C1orf116: variants seen among roughly 807,000 people sequenced by gnomAD.
C1orf116 encodes the protein specifically androgen-regulated gene protein.
In C1orf116, 12 loss-of-function variants were observed where a neutral mutation model predicts 14.1. The ratio of observed to expected loss-of-function variants is 0.85; its 90% CI spans 0.54 to 1.38. C1orf116 has a LOEUF of 1.38. Ranked by LOEUF, C1orf116 falls within the 40% of genes most tolerant of loss-of-function variation. The probability of loss-of-function intolerance (pLI) is 0.00; values close to 1 mark genes in which losing one functional copy is unlikely to be tolerated. For missense variants in C1orf116, 797 were observed against 747.0 expected (o/e 1.07, Z -0.78); for synonymous variants, 296 against 299.0 (o/e 0.99, Z 0.10).
At chr1:207,030,465 A>G (rs1558047620) in intron 1 of C1orf116, among the ~76,000 whole-genome samples, 1 of 152,200 alleles carries the variant, frequency 6.6e-6, no homozygotes, top group Non-Finnish European at 1.5e-5. Context: ...CTTCCAGACC[A>G]GTGTATTGCC....
intron 1 of C1orf116, among the ~76,000 whole-genome samples, chr1:207,028,568 C>T (rs956428640): frequency 5.9e-5 from 9 of 152,180 alleles, no homozygotes; most frequent in Admixed American, 2.6e-4. Flanking sequence ...GCACACATTC[C>T]CAATGAGATT....
At position 207,019,354 on chromosome 1, in the gene C1orf116, T is replaced by C. The variant is rs910836635; in HGVS notation, c.*2604A>G. The C allele has an allele frequency of 6.6e-6, 1 of 152,206 alleles. No homozygotes were observed. The highest frequency in any genetic ancestry group is 2.4e-5 in the African/African-American group (1 of 41,440). 9.4% of individuals were successfully genotyped at this position (152,206 alleles called of 1,614,324 possible). A position where few individuals can be genotyped will look rare whatever the true frequency, so the allele number is the denominator to read the frequency against. ...CAGTGGCATCAAGGCTATGGCAGGG[T>C]ATAGCAGAGATCTAAGGCCAAGTGG... On this transcript the variant is annotated 3_prime_UTR_variant, in exon 4 of 4. Transcript: ENST00000359470.
chr1:207,022,866 T>G lies in C1orf116; in HGVS notation c.898A>C (p.Lys300Gln), dbSNP rs887626439. Residue 300 changes from lysine to glutamine, a missense_variant, in exon 4 of 4, where the codon AAG becomes CAG. By Grantham distance (53) the Lys-to-Gln change is moderately conservative. Transcript: ENST00000359470. ...LAPLTTPKPR[K>Q]LPPNIVLKSS... ...TTCAGAACAATATTAGGTGGCAGCT[T>G]CCGGGGCTTAGGGGTTGTGAGGGGA... The G allele has an allele frequency of 4.3e-6, 7 of 1,613,914 alleles. No individual in the cohort carries two copies. Among genetic ancestry groups the G allele is most frequent in the Non-Finnish European group, 5.9e-6 (7 of 1,179,992 alleles).
At chr1:207,032,088 G>A (rs1271995963) in intron 1 of C1orf116, among the ~76,000 whole-genome samples, 2 of 152,064 alleles carry the variant, frequency 1.3e-5, no homozygotes, top group Admixed American at 1.3e-4. Flanking sequence ...TATCACATGA[G>A]CATGATCAAA....
chr1:207,028,609 T>C (rs766392608), intron 1 of C1orf116, among the ~76,000 whole-genome samples: 2 of 152,120 alleles, frequency 1.3e-5, no homozygotes, highest in Non-Finnish European at 2.9e-5. Context: ...ACAAGAGAAA[T>C]GTCCCATGTA....
Position 207,022,023 on chromosome 1 carries a change from G to C in C1orf116, c.1741C>G (p.Pro581Ala). The change falls in exon 4 of 4, where the codon CCA (proline) becomes GCA (alanine). Residue 581 changes from proline to alanine, a missense_variant. Pro to Ala is a conservative substitution (Grantham distance 27). Coordinates refer to ENST00000359470, the MANE Select transcript of C1orf116 (RefSeq NM_023938.6). ...RPPCVSVKIS[P>A]KGVPNEHRRE... ...CTGTGTTCATTGGGGACACCCTTTG[G>C]GGAGATCTTGACACTGACACAGGGG... The C allele has an allele frequency of 6.3e-7, 1 of 1,582,600 alleles. No homozygotes were observed. The highest frequency in any genetic ancestry group is 8.6e-7 in the Non-Finnish European group (1 of 1,166,806).
At chr1:207,023,584 C>T (rs1401346509) in intron 3 of C1orf116, 104 bp from the exon 4 acceptor site, 7 of 1,425,762 alleles carry the variant, frequency 4.9e-6, no homozygotes, top group Non-Finnish European at 6.5e-6. Flanking sequence ...AACTCTGATC[C>T]CAAACTAGCA....
Position 207,020,815 on chromosome 1 carries a change from A to T in C1orf116, c.*1143T>A, listed in dbSNP as rs577825119. 45 of 152,262 alleles carry T rather than the reference A, an allele frequency of 3.0e-4. No homozygotes were observed. The highest frequency in any genetic ancestry group is 8.4e-4 in the African/African-American group (35 of 41,532). 9.4% of individuals were successfully genotyped at this position (152,262 alleles called of 1,614,324 possible). ...TTAGGGTGCTGTGTGGATGTACAAG[A>T]GCACTGGCTAAGGAGAGGTGGCAGC... On this transcript the variant is annotated 3_prime_UTR_variant, in exon 4 of 4. Coordinates refer to ENST00000359470, the MANE Select transcript of C1orf116 (RefSeq NM_023938.6).
rs1400590225 is a variant in C1orf116, at chr1:207,023,039, G to A, written c.725C>T (p.Thr242Ile). The A allele has an allele frequency of 1.2e-6, 2 of 1,613,428 alleles. No homozygotes were observed. Among genetic ancestry groups the A allele is most frequent in the East Asian group, 2.2e-5 (1 of 44,884 alleles). Reference protein sequence around the residue: ...TPSSSQEREQTPSEAMSQKAK... With the variant: ...TPSSSQEREQIPSEAMSQKAK... ...TTTTTGGGACATGGCTTCTGAAGGA[G>A]TCTGCTCTCTTTCCTGGGAGCTGGA... Residue 242 changes from threonine to isoleucine, a missense_variant, in exon 4 of 4, where the codon ACT (threonine) becomes ATT (isoleucine). Transcript: ENST00000359470.
rs1164469489 is a variant in C1orf116 at position 207,022,890 on chromosome 1, G to A, written c.874C>T (p.Pro292Ser). The A allele has an allele frequency of 1.9e-6, 3 of 1,614,076 alleles. No individual in the cohort carries two copies. Among genetic ancestry groups the A allele is most frequent in the Non-Finnish European group, 2.5e-6 (3 of 1,179,986 alleles). ...TTCCGGGGCTTAGGGGTTGTGAGGG[G>A]AGCTAGTCGGCTGTTTGGGTCCTCC... is the stretch of plus-strand genomic sequence containing the variant. ...SGEDPNSRLA[P>S]LTTPKPRKLP... Residue 292 changes from proline (P) to serine (S), a missense_variant, in exon 4 of 4, where the codon CCC (proline) becomes TCC (serine). Coordinates refer to ENST00000359470, the MANE Select transcript of C1orf116 (RefSeq NM_023938.6).
Position 207,022,946 on chromosome 1 carries a change from G to A in C1orf116, c.818C>T (p.Ala273Val). ...TGAGAGGGGAGCATCTTCAGCTCTT[G>A]CATTCTGAGGCAACCCTGCAGGAGG... is the stretch of plus-strand genomic sequence containing the variant. ...QPPPAGLPQNARAEDAPLSSG... is the reference protein window; with the variant it reads ...QPPPAGLPQNVRAEDAPLSSG... The change falls in exon 4 of 4, where the codon GCA becomes GTA. Residue 273 changes from alanine (A) to valine (V), a missense_variant. Physicochemically the swap from Ala to Val is moderately conservative, Grantham distance 64. Transcript: ENST00000359470. The A allele has an allele frequency of 1.2e-6, 2 of 1,614,148 alleles. No individual in the cohort carries two copies. Among genetic ancestry groups the A allele is most frequent in the Non-Finnish European group, 1.7e-6 (2 of 1,180,018 alleles).
At chr1:207,024,351 G>T (rs1262286702) in intron 3 of C1orf116, among the ~76,000 whole-genome samples, 1 of 152,230 alleles carries the variant, frequency 6.6e-6, no homozygotes, top group East Asian at 1.9e-4. Context: ...GGGACATGTG[G>T]CCCCACAGTC....
rs1289674078 is a variant in C1orf116, at chr1:207,022,548, C to A, written c.1216G>T (p.Ala406Ser). Residue 406 changes from alanine (A) to serine (S), a missense_variant, in exon 4 of 4, where the codon GCT becomes TCT. Ala to Ser is a moderately conservative substitution (Grantham distance 99). Coordinates refer to ENST00000359470, the MANE Select transcript of C1orf116 (RefSeq NM_023938.6). Reference sequence around the variant, plus strand: ...GGAGCTTGAGCCAGAGCCTTCCCAGCAGCAGGAATAGCTGCTGAGGCCTGG... The same window carrying A: ...GGAGCTTGAGCCAGAGCCTTCCCAGAAGCAGGAATAGCTGCTGAGGCCTGG... ...PAQASAAIPA[A>S]GKALAQAPAP... 1.1e-5 allele frequency: 17 copies of A among 1,614,036 alleles called. No homozygotes were observed. In the Admixed American group the frequency reaches 2.5e-4, roughly 24 times the overall value.
rs1401436154 is a variant in C1orf116, at chr1:207,024,908, T to C, written c.262A>G (p.Ile88Val). ...TTACCCCGGGGAGTGGGTTGGGTTA[T>C]GGGCAGTGCTCGGAAACCTCTGGGA... ...TTPRGFRALP[I>V]TQPTPRGGPE... Residue 88 changes from isoleucine to valine, a missense_variant, in exon 3 of 4, where the codon ATA becomes GTA. Coordinates refer to ENST00000359470, the MANE Select transcript of C1orf116 (RefSeq NM_023938.6). 1 of 1,613,832 alleles carries C rather than the reference T, an allele frequency of 6.2e-7. No homozygotes were observed. Among genetic ancestry groups the C allele is most frequent in the Admixed American group, 1.7e-5 (1 of 60,026 alleles).
Position 207,022,732 on chromosome 1 carries a change from T to C in C1orf116, c.1032A>G (p.Arg344=), listed in dbSNP as rs1311852041. The C allele has an allele frequency of 1.2e-6, 2 of 1,614,078 alleles. No homozygotes were observed. Among genetic ancestry groups the C allele is most frequent in the Non-Finnish European group, 1.7e-6 (2 of 1,180,038 alleles). Reference sequence around the variant, plus strand: ...TCTCTAGAGCTTCTTTACGTGCTTTTCTCTGCTCTTGCAGTGAACAGGAGA... The same window carrying C: ...TCTCTAGAGCTTCTTTACGTGCTTTCCTCTGCTCTTGCAGTGAACAGGAGA... ...GLISCSLQEQ[R]KARKEALEKL... The change falls in exon 4 of 4, where the codon AGA becomes AGG. Residue 344 remains arginine (R), a synonymous_variant. Transcript: ENST00000359470.
chr1:207,032,556 T>A lies in C1orf116; in HGVS notation c.-82+23A>T, dbSNP rs367557725. ...CTTCCTATTGCTATAGGATAAGCAA[T>A]AGTTGGTTAGTGATTAACTCACCTC... On this transcript the variant is annotated intron_variant, in intron 1 of 3. Transcript: ENST00000359470. 3 of 984,968 alleles carry A rather than the reference T, an allele frequency of 3.0e-6. No individual in the cohort carries two copies. In the African/African-American group the frequency reaches 5.3e-5, roughly 17 times the overall value. The allele number at this position is 984,968 out of a possible 1,614,324, so 61.0% of individuals were successfully genotyped here. A position where few individuals can be genotyped will look rare whatever the true frequency, so the allele number is the denominator to read the frequency against.
chr1:207,022,777 GGCA>G lies in C1orf116; in HGVS notation c.984_986del (p.Ala329del), dbSNP rs760077787. ...AGGAGATCAGGCCAGAATCTCCAGG[GGCA>G]GCCTCAGTGTGGCGGGACAGCCAGT... On this transcript the variant is annotated inframe_deletion, in exon 4 of 4. Coordinates refer to ENST00000359470, the MANE Select transcript of C1orf116 (RefSeq NM_023938.6). 6.2e-7 allele frequency: 1 copy of G among 1,614,170 alleles called. No homozygotes were observed.
chr1:207,022,810 G>A lies in C1orf116; in HGVS notation c.954C>T (p.Pro318=). The change falls in exon 4 of 4, where the codon CCC becomes CCT. Residue 318 remains proline, a synonymous_variant. Coordinates refer to ENST00000359470, the MANE Select transcript of C1orf116 (RefSeq NM_023938.6). The part of the protein sequence containing the change: ...KSSRSSFHSD[P]QHWLSRHTEA... ...CAGTGTGGCGGGACAGCCAGTGCTG[G>A]GGGTCACTGTGGAAACTGCTTCGGC... The A allele has an allele frequency of 2.5e-6, 4 of 1,614,088 alleles. No individual in the cohort carries two copies. Among genetic ancestry groups the A allele is most frequent in the Non-Finnish European group, 3.4e-6 (4 of 1,180,018 alleles).
intron 2 of C1orf116, among the ~76,000 whole-genome samples, chr1:207,025,713 T>A (rs1056115976): frequency 9.2e-5 from 14 of 152,222 alleles, no homozygotes; most frequent in Non-Finnish European, 1.6e-4. Context: ...CGGGAATTTT[T>A]CCCCTTGTAC....
Sources: allele counts gnomAD v4.1 joint callset (sites outside exome capture counted in the v4.1 genomes callset), GRCh38; gene constraint gnomAD v4.1.1; transcripts MANE v1.5; gene names NCBI Gene and HGNC (gene_info 2026-07-23, HGNC 2026-07-21).